OR5M8: variants seen among roughly 807,000 people sequenced by gnomAD.
OR5M8 encodes the protein olfactory receptor family 5 subfamily M member 8.
For missense variants in OR5M8, 445 were observed against 379.3 expected (o/e 1.17, Z -1.44); for synonymous variants, 163 against 141.5 (o/e 1.15, Z -1.08).
rs1853842687 is a variant in OR5M8 at position 56,490,748 on chromosome 11, A to G, written c.623T>C (p.Phe208Ser). The change falls in exon 1 of 1, where the codon TTT becomes TCT. Residue 208 changes from phenylalanine to serine, a missense_variant. Physicochemically the swap from Phe to Ser is radical, Grantham distance 155 (BLOSUM62 -2). Transcript: ENST00000327216. Reference sequence around the variant, plus strand: ...GGAAATACATATGATGAAGAGAGAAAAAGAAAGGTTCCAGCCAGCCACAAT... The same window carrying G: ...GGAAATACATATGATGAAGAGAGAAGAAGAAAGGTTCCAGCCAGCCACAAT... ...MFIVAGWNLS[F>S]SLFIICISYL... is the part of the protein sequence containing the mutation. The G allele has an allele frequency of 3.1e-6, 5 of 1,614,192 alleles. No homozygotes were observed. Among genetic ancestry groups the G allele is most frequent in the Non-Finnish European group, 4.2e-6 (5 of 1,180,044 alleles).
In OR5M8 at chr11:56,491,364, T is replaced by C. The variant is rs1216194798; in HGVS notation, c.7A>G (p.Arg3Gly). MR[R>G]NCTLVTEFIL... ...AACTCAGTCACCAACGTGCAGTTTCTTCTCATAATTTCCTTCGGTGGAAGA... is the reference window on the plus strand; with the variant it reads ...AACTCAGTCACCAACGTGCAGTTTCCTCTCATAATTTCCTTCGGTGGAAGA... The change falls in exon 1 of 1, where the codon AGA becomes GGA. Residue 3 changes from arginine to glycine, a missense_variant. Arg to Gly is a moderately radical substitution (Grantham distance 125). Transcript: ENST00000327216. 1 of 1,569,292 alleles carries C rather than the reference T, an allele frequency of 6.4e-7. No homozygotes were observed. Among genetic ancestry groups the C allele is most frequent in the Non-Finnish European group, 8.6e-7 (1 of 1,158,480 alleles).
At position 56,490,471 on chromosome 11, in the gene OR5M8, T is replaced by G. The variant is rs757543090; in HGVS notation, c.900A>C (p.Leu300Phe). The change falls in exon 1 of 1, where the codon TTA (leucine) becomes TTC (phenylalanine). Residue 300 changes from leucine (L) to phenylalanine (F), a missense_variant. Transcript: ENST00000327216. ...SLRNKNVKEA[L>F]IKELSMKIYF... ...ATATCTTCATTGACAGCTCTTTGATTAATGCTTCTTTTACATTTTTATTTC... is the reference window on the plus strand; with the variant it reads ...ATATCTTCATTGACAGCTCTTTGATGAATGCTTCTTTTACATTTTTATTTC... 3 of 1,573,530 alleles carry G rather than the reference T, an allele frequency of 1.9e-6. No individual in the cohort carries two copies. Among genetic ancestry groups the G allele is most frequent in the South Asian group, 1.1e-5 (1 of 88,864 alleles).
rs1315268340 is a variant in OR5M8, at chr11:56,490,689, G to C, written c.682C>G (p.Arg228Gly). Reference sequence around the variant, plus strand: ...GCTTTTTGCCTGCCCTCTGTAGAGCGAATCTTTAAAATAGCAGGGAAAATG... The same window carrying C: ...GCTTTTTGCCTGCCCTCTGTAGAGCCAATCTTTAAAATAGCAGGGAAAATG... ...LYIFPAILKI[R>G]STEGRQKAFS... The change falls in exon 1 of 1, where the codon CGC (arginine) becomes GGC (glycine). Residue 228 changes from arginine (R) to glycine (G), a missense_variant. Arg to Gly is a moderately radical substitution (Grantham distance 125, BLOSUM62 -2). Coordinates refer to ENST00000327216, the MANE Select transcript of OR5M8 (RefSeq NM_001005282.1). 1.9e-6 allele frequency: 3 copies of C among 1,613,974 alleles called. No homozygotes were observed. The highest frequency in any genetic ancestry group is 2.5e-6 in the Non-Finnish European group (3 of 1,180,006).
Position 56,490,523 on chromosome 11 carries a change from A to G in OR5M8, c.848T>C (p.Met283Thr), listed in dbSNP as rs746253493. ...AAGGCTATAAATTATAAGGTTCAGC[A>G]TAGGGATTACTGTGGTATAAAATAC... ...VAVFYTTVIP[M>T]LNLIIYSLRN... Residue 283 changes from methionine (M) to threonine (T), a missense_variant, in exon 1 of 1, where the codon ATG becomes ACG. Coordinates refer to ENST00000327216, the MANE Select transcript of OR5M8 (RefSeq NM_001005282.1). 7 of 1,603,200 alleles carry G rather than the reference A, an allele frequency of 4.4e-6. No homozygotes were observed. Among genetic ancestry groups the G allele is most frequent in the Non-Finnish European group, 6.0e-6 (7 of 1,170,224 alleles).
At position 56,490,773 on chromosome 11, in the gene OR5M8, T is replaced by G. The variant is rs764973788; in HGVS notation, c.598A>C (p.Ile200Leu). ...AAAGAAAGGTTCCAGCCAGCCACAA[T>G]AAACATTGACAACTCCTTGTTGTAG... is the stretch of plus-strand genomic sequence containing the variant. ...DTYNKELSMF[I>L]VAGWNLSFSL... The change falls in exon 1 of 1, where the codon ATT becomes CTT. Residue 200 changes from isoleucine to leucine, a missense_variant. Transcript: ENST00000327216. 2.5e-6 allele frequency: 4 copies of G among 1,614,112 alleles called. No individual in the cohort carries two copies. The South Asian group carries it at 3.3e-5, about 13-fold the overall frequency.
Position 56,491,349 on chromosome 11 carries a change from C to T in OR5M8, c.22G>A (p.Val8Met), listed in dbSNP as rs1853852872. ...AGTCCCAGGAGAATGAACTCAGTCA[C>T]CAACGTGCAGTTTCTTCTCATAATT... MRRNCTLVTEFILLGLTS... is the reference protein window; with the variant it reads MRRNCTLMTEFILLGLTS... The change falls in exon 1 of 1, where the codon GTG (valine) becomes ATG (methionine). Residue 8 changes from valine to methionine, a missense_variant. Coordinates refer to ENST00000327216, the MANE Select transcript of OR5M8 (RefSeq NM_001005282.1). 7 of 1,591,764 alleles carry T rather than the reference C, an allele frequency of 4.4e-6. No homozygotes were observed. The highest frequency in any genetic ancestry group is 6.0e-6 in the Non-Finnish European group (7 of 1,169,110).
chr11:56,490,695 T>C lies in OR5M8; in HGVS notation c.676A>G (p.Lys226Glu). The C allele has an allele frequency of 1.2e-6, 2 of 1,614,066 alleles. No homozygotes were observed. Among genetic ancestry groups the C allele is most frequent in the Non-Finnish European group, 1.7e-6 (2 of 1,180,014 alleles). ...SYLYIFPAILKIRSTEGRQKA... is the reference protein window; with the variant it reads ...SYLYIFPAILEIRSTEGRQKA... Reference sequence around the variant, plus strand: ...TGCCTGCCCTCTGTAGAGCGAATCTTTAAAATAGCAGGGAAAATGTAAAGG... The same window carrying C: ...TGCCTGCCCTCTGTAGAGCGAATCTCTAAAATAGCAGGGAAAATGTAAAGG... Residue 226 changes from lysine to glutamate, a missense_variant, in exon 1 of 1, where the codon AAG (lysine) becomes GAG (glutamate). Transcript: ENST00000327216.
Position 56,490,948 on chromosome 11 carries a change from G to A in OR5M8, c.423C>T (p.Ser141=), listed in dbSNP as rs779544431. ...YGSRMSKSVC[S]FLITVPYVYG... is the part of the protein sequence containing the mutation. ...ACACATAAGGCACCGTGATGAGGAA[G>A]GAGCACACACTCTTGGACATTCTGC... is the stretch of plus-strand genomic sequence containing the variant. Residue 141 remains serine (S), a synonymous_variant, in exon 1 of 1, where the codon TCC becomes TCT. Coordinates refer to ENST00000327216, the MANE Select transcript of OR5M8 (RefSeq NM_001005282.1). 2 of 1,613,904 alleles carry A rather than the reference G, an allele frequency of 1.2e-6. No individual in the cohort carries two copies. The highest frequency in any genetic ancestry group is 2.7e-5 in the African/African-American group (2 of 74,888).
rs751307010 is a variant in OR5M8, at chr11:56,490,589, G to A, written c.782C>T (p.Pro261Leu). The A allele has an allele frequency of 1.6e-5, 26 of 1,613,784 alleles. No individual in the cohort carries two copies. The highest frequency in any genetic ancestry group is 2.2e-5 in the Non-Finnish European group (26 of 1,179,928). ...YATLFFMYLR[P>L]PSKESVEQGK... ...CTGTTCAACAGATTCCTTTGAGGGG[G>A]GTCTGAGATACATGAAGAAAAGGGT... Residue 261 changes from proline to leucine, a missense_variant, in exon 1 of 1, where the codon CCC (proline) becomes CTC (leucine). Coordinates refer to ENST00000327216, the MANE Select transcript of OR5M8 (RefSeq NM_001005282.1).
Position 56,490,816 on chromosome 11 carries a change from C to T in OR5M8, c.555G>A (p.Lys185=). 6.2e-7 allele frequency: 1 copy of T among 1,614,144 alleles called. No individual in the cohort carries two copies. The highest frequency in any genetic ancestry group is 8.5e-7 in the Non-Finnish European group (1 of 1,180,022). The change falls in exon 1 of 1, where the codon AAG becomes AAA. Residue 185 remains lysine (K), a synonymous_variant. Transcript: ENST00000327216. ...HFYCADPPLI[K]LACSDTYNKE... is the part of the protein sequence containing the mutation. The stretch of plus-strand genomic sequence containing the variant: ...TGTTGTAGGTGTCAGAACAAGCCAG[C>T]TTAATCAGTGGTGGGTCCGCACAGT...
Position 56,490,936 on chromosome 11 carries a change from C to G in OR5M8, c.435G>C (p.Thr145=), listed in dbSNP as rs147351186. 9.3e-6 allele frequency: 15 copies of G among 1,613,854 alleles called. No homozygotes were observed. The South Asian group carries it at 1.5e-4, about 17-fold the overall frequency. The stretch of plus-strand genomic sequence containing the variant: ...TGAGCGCTCCATACACATAAGGCAC[C>G]GTGATGAGGAAGGAGCACACACTCT... The part of the protein sequence containing the change: ...MSKSVCSFLI[T]VPYVYGALTG... Residue 145 remains threonine, a synonymous_variant, in exon 1 of 1, where the codon ACG becomes ACC. Coordinates refer to ENST00000327216, the MANE Select transcript of OR5M8 (RefSeq NM_001005282.1).
At position 56,490,923 on chromosome 11, in the gene OR5M8, A is replaced by G; in HGVS notation, c.448T>C (p.Tyr150His). The change falls in exon 1 of 1, where the codon TAT becomes CAT. Residue 150 changes from tyrosine to histidine, a missense_variant. Transcript: ENST00000327216. ...CSFLITVPYVYGALTGLMETM... is the reference protein window; with the variant it reads ...CSFLITVPYVHGALTGLMETM... The stretch of plus-strand genomic sequence containing the variant: ...TCCATCAGGCCAGTGAGCGCTCCAT[A>G]CACATAAGGCACCGTGATGAGGAAG... 6.2e-7 allele frequency: 1 copy of G among 1,613,920 alleles called. No homozygotes were observed. The highest frequency in any genetic ancestry group is 8.5e-7 in the Non-Finnish European group (1 of 1,179,876).
At position 56,491,127 on chromosome 11, in the gene OR5M8, C is replaced by T. The variant is rs373976847; in HGVS notation, c.244G>A (p.Glu82Lys). 32 of 1,613,984 alleles carry T rather than the reference C, an allele frequency of 2.0e-5. No homozygotes were observed. In the Middle Eastern group the frequency reaches 1.5e-3, roughly 75 times the overall value. Residue 82 changes from glutamate (E) to lysine (K), a missense_variant, in exon 1 of 1, where the codon GAG becomes AAG. Coordinates refer to ENST00000327216, the MANE Select transcript of OR5M8 (RefSeq NM_001005282.1). ...FSSNVTPKML[E>K]IFLSEKKSIS... ...CTTTTCTTCTCTGAAAGGAAAATCT[C>T]CAGCATCTTTGGAGTCACATTGGAA...
Position 56,490,656 on chromosome 11 carries a change from T to C in OR5M8, c.715A>G (p.Thr239Ala). ...STEGRQKAFS[T>A]CGSHLTAVTI... ...ACAGCTGTCAGATGGGAGCCACAGGTAGAAAAAGCTTTTTGCCTGCCCTCT... is the reference window on the plus strand; with the variant it reads ...ACAGCTGTCAGATGGGAGCCACAGGCAGAAAAAGCTTTTTGCCTGCCCTCT... The change falls in exon 1 of 1, where the codon ACC becomes GCC. Residue 239 changes from threonine (T) to alanine (A), a missense_variant. Physicochemically the swap from Thr to Ala is moderately conservative, Grantham distance 58 (BLOSUM62 0). Coordinates refer to ENST00000327216, the MANE Select transcript of OR5M8 (RefSeq NM_001005282.1). 6.2e-7 allele frequency: 1 copy of C among 1,613,730 alleles called. No individual in the cohort carries two copies.
Position 56,490,731 on chromosome 11 carries a change from A to T in OR5M8, c.640T>A (p.Cys214Ser). ...GGGAAAATGTAAAGGTAGGAAATACATATGATGAAGAGAGAAAAAGAAAGG... is the reference window on the plus strand; with the variant it reads ...GGGAAAATGTAAAGGTAGGAAATACTTATGATGAAGAGAGAAAAAGAAAGG... ...WNLSFSLFII[C>S]ISYLYIFPAI... Residue 214 changes from cysteine (C) to serine (S), a missense_variant, in exon 1 of 1, where the codon TGT becomes AGT. Transcript: ENST00000327216. 1 of 1,614,254 alleles carries T rather than the reference A, an allele frequency of 6.2e-7. No individual in the cohort carries two copies. Among genetic ancestry groups the T allele is most frequent in the Non-Finnish European group, 8.5e-7 (1 of 1,180,044 alleles).
rs377414045 is a variant in OR5M8 at position 56,490,544 on chromosome 11, A to G, written c.827T>C (p.Phe276Ser). ...CAGCATAGGGATTACTGTGGTATAA[A>G]ATACAGCTACCATTTTACCCTGTTC... Reference protein sequence around the residue: ...SVEQGKMVAVFYTTVIPMLNL... With the variant: ...SVEQGKMVAVSYTTVIPMLNL... The change falls in exon 1 of 1, where the codon TTT (phenylalanine) becomes TCT (serine). Residue 276 changes from phenylalanine to serine, a missense_variant. Transcript: ENST00000327216. 4 of 1,611,420 alleles carry G rather than the reference A, an allele frequency of 2.5e-6. No individual in the cohort carries two copies. The Admixed American group carries it at 6.7e-5, about 27-fold the overall frequency.
rs557096002 is a variant in OR5M8 at position 56,490,843 on chromosome 11, G to T, written c.528C>A (p.Phe176Leu). The change falls in exon 1 of 1, where the codon TTC becomes TTA. Residue 176 changes from phenylalanine (F) to leucine (L), a missense_variant. Physicochemically the swap from Phe to Leu is conservative, Grantham distance 22. Transcript: ENST00000327216. Reference protein sequence around the residue: ...AFCGPNEINHFYCADPPLIKL... With the variant: ...AFCGPNEINHLYCADPPLIKL... ...TAATCAGTGGTGGGTCCGCACAGTAGAAGTGATTAATTTCATTGGGGCCAC... is the reference window on the plus strand; with the variant it reads ...TAATCAGTGGTGGGTCCGCACAGTATAAGTGATTAATTTCATTGGGGCCAC... 6.2e-7 allele frequency: 1 copy of T among 1,614,066 alleles called. No individual in the cohort carries two copies. Among genetic ancestry groups the T allele is most frequent in the South Asian group, 1.1e-5 (1 of 91,074 alleles).
At position 56,491,204 on chromosome 11, in the gene OR5M8, A is replaced by G. The variant is rs1479960151; in HGVS notation, c.167T>C (p.Met56Thr). Residue 56 changes from methionine to threonine, a missense_variant, in exon 1 of 1, where the codon ATG becomes ACG. By Grantham distance (81) the Met-to-Thr change is moderately conservative. Transcript: ENST00000327216. The part of the protein sequence containing the change: ...VLIQANAWLH[M>T]PMYFFLSHLS... ...GTGGCTCAGGAAAAAGTACATGGGC[A>G]TGTGGAGCCAGGCGTTGGCCTGGAT... 7 of 1,614,112 alleles carry G rather than the reference A, an allele frequency of 4.3e-6. No individual in the cohort carries two copies. The highest frequency in any genetic ancestry group is 2.7e-5 in the African/African-American group (2 of 74,946).
chr11:56,490,454 A>G lies in OR5M8; in HGVS notation c.917T>C (p.Met306Thr), dbSNP rs964913717. ...TGATTTTTAAGAAAAGTATATCTTC[A>G]TTGACAGCTCTTTGATTAATGCTTC... ...VKEALIKELS[M>T]KIYFS Residue 306 changes from methionine to threonine, a missense_variant, in exon 1 of 1, where the codon ATG becomes ACG. Transcript: ENST00000327216. 4 of 1,549,232 alleles carry G rather than the reference A, an allele frequency of 2.6e-6. No homozygotes were observed. Among genetic ancestry groups the G allele is most frequent in the African/African-American group, 1.4e-5 (1 of 73,200 alleles).
Sources: gnomAD v4.1 joint callset for allele counts on GRCh38, gnomAD v4.1.1 for gene constraint, MANE v1.5 for transcripts, NCBI Gene and HGNC (gene_info 2026-07-23, HGNC 2026-07-21) for gene names.